CDK1: variants seen among roughly 807,000 people sequenced by gnomAD.
CDK1 encodes cyclin dependent kinase 1.
In CDK1, 5 loss-of-function variants were observed where a neutral mutation model predicts 34.6. That is an observed-to-expected ratio of 0.14 (90% confidence interval 0.08 to 0.30). The LOEUF is 0.30. CDK1 is among the 10% of genes least tolerant of loss of function. The pLI is 1.00. For synonymous variants in CDK1, 108 were observed against 114.7 expected (o/e 0.94, Z 0.37); for missense variants, 157 against 345.7 (o/e 0.45, Z 4.33).
intron 2 of CDK1, among the ~76,000 whole-genome samples, chr10:60,781,228 T>G (rs932476732): frequency 4.6e-5 from 7 of 152,130 alleles, no homozygotes; most frequent in African/African-American, 1.7e-4. Context: ...TCTTAAAGTA[T>G]AAATATATTT....
At chr10:60,784,930 A>T (rs898014774) in intron 3 of CDK1, 69 bp downstream of exon 3, 1 of 1,429,758 alleles carries the variant, frequency 7.0e-7, no homozygotes, top group East Asian at 2.3e-5. Context: ...CAACTTGGAA[A>T]TCTTTACATT....
chr10:60,780,071 G>T, intron 1 of CDK1, 70 bp from the exon 2 acceptor site: 1 of 755,068 alleles, frequency 1.3e-6, no homozygotes, highest in Non-Finnish European at 2.4e-6. Context: ...TTTACATATA[G>T]TGTTTCATTA....
intron 2 of CDK1, 81 bp from the exon 3 acceptor site, chr10:60,784,624 T>G (rs1296657428): frequency 3.3e-6 from 4 of 1,213,760 alleles, no homozygotes; most frequent in Non-Finnish European, 4.7e-6. Flanking sequence ...AACAAGACCC[T>G]GCCATAAGGA....
intron 5 of CDK1, among the ~76,000 whole-genome samples, chr10:60,788,522 CTTTA>C (rs950289068): frequency 6.6e-6 from 1 of 151,974 alleles, no homozygotes; most frequent in African/African-American, 2.4e-5. Flanking sequence ...TTATTTTTTA[CTTTA>C]TTTATTTACA....
rs1192552096 is a variant in CDK1 at position 60,780,164 on chromosome 10, C to A, written c.-2C>A. On this transcript the variant is annotated 5_prime_UTR_variant, in exon 2 of 8. Coordinates refer to ENST00000395284, the MANE Select transcript of CDK1 (RefSeq NM_001786.5). ...AGGATCTACCATACCCATTGACTAA[C>A]TATGGAAGATTATACCAAAATAGAG... 1 of 1,530,374 alleles carries A rather than the reference C, an allele frequency of 6.5e-7. No individual in the cohort carries two copies. Among genetic ancestry groups the A allele is most frequent in the Non-Finnish European group, 9.1e-7 (1 of 1,104,420 alleles). 94.8% of individuals were successfully genotyped at this position (1,530,374 alleles called of 1,614,324 possible).
intron 7 of CDK1, among the ~76,000 whole-genome samples, chr10:60,792,753 C>T (rs891089945): frequency 3.3e-5 from 5 of 152,090 alleles, no homozygotes; most frequent in Non-Finnish European, 7.4e-5. Context: ...TATACATTTT[C>T]TCATTGGTCT....
Position 60,792,179 on chromosome 10 carries a change from C to T in CDK1, c.685C>T (p.Pro229Ser). 1 of 1,610,794 alleles carries T rather than the reference C, an allele frequency of 6.2e-7. No individual in the cohort carries two copies. The highest frequency in any genetic ancestry group is 8.5e-7 in the Non-Finnish European group (1 of 1,178,732). Residue 229 changes from proline (P) to serine (S), a missense_variant, in exon 7 of 8, where the codon CCA (proline) becomes TCA (serine). Around this residue, in one of 3 missense-constraint regions of CDK1, gnomAD observed 102 missense variants for 233.6 expected, o/e 0.44. Coordinates refer to ENST00000395284, the MANE Select transcript of CDK1 (RefSeq NM_001786.5). ...GGGCACTCCCAATAATGAAGTGTGGCCAGAAGTGGAATCTTTACAGGACTA... is the reference window on the plus strand; with the variant it reads ...GGGCACTCCCAATAATGAAGTGTGGTCAGAAGTGGAATCTTTACAGGACTA... ...ALGTPNNEVW[P>S]EVESLQDYKN...
chr10:60,781,837 T>G (rs2080275960), intron 2 of CDK1, among the ~76,000 whole-genome samples: 1 of 152,208 alleles, frequency 6.6e-6, no homozygotes, highest in South Asian at 2.1e-4. Flanking sequence ...GTTTTTGTCT[T>G]GTTCACAACT....
At chr10:60,784,290 C>T (rs2080297046) in intron 2 of CDK1, among the ~76,000 whole-genome samples, 1 of 152,118 alleles carries the variant, frequency 6.6e-6, no homozygotes, top group Non-Finnish European at 1.5e-5. Flanking sequence ...ATGGCCACAC[C>T]AGACATTTCT....
rs111506485 is a variant in CDK1 at position 60,782,070 on chromosome 10, G to C, written c.37+1868G>C. On this transcript the variant is annotated intron_variant, in intron 2 of 7. Coordinates refer to ENST00000395284, the MANE Select transcript of CDK1 (RefSeq NM_001786.5). ...AATGGAGGCCTAAATGATTCACACA[G>C]AATTTTCTTTTGGTTCTGCCAGGTA... 4.3e-3 allele frequency among the ~76,000 whole-genome samples: 656 copies of C among 152,296 alleles called. 3 individuals carry two copies. The highest frequency in any genetic ancestry group is 0.015 in the African/African-American group (632 of 41,568).
At chr10:60,779,586 A>G (rs988416165) in intron 1 of CDK1, among the ~76,000 whole-genome samples, 7 of 152,206 alleles carry the variant, frequency 4.6e-5, no homozygotes, top group African/African-American at 1.2e-4. Context: ...GACCTCAGCA[A>G]GCAGAGGAAA....
At chr10:60,783,428 A>C (rs922214090) in intron 2 of CDK1, 12 of 152,188 alleles carry the variant, frequency 7.9e-5, no homozygotes, top group Non-Finnish European at 1.6e-4. Flanking sequence ...AAACTGCTTA[A>C]TTTTTTAACC....
chr10:60,789,120 G>A (rs1041797535), intron 5 of CDK1, among the ~76,000 whole-genome samples: 9 of 151,832 alleles, frequency 5.9e-5, no homozygotes, highest in Non-Finnish European at 1.0e-4. Context: ...TTTTATCGAC[G>A]CATTATTATA....
At position 60,788,103 on chromosome 10, in the gene CDK1, C is replaced by G. The variant is rs2080331154; in HGVS notation, c.362C>G (p.Ser121Cys). The change falls in exon 5 of 8, where the codon TCT becomes TGT. Residue 121 changes from serine to cysteine, a missense_variant. This residue lies in a region of CDK1 where 102 missense variants were observed against 233.6 expected (regional missense o/e 0.44). Transcript: ENST00000395284. Reference sequence around the variant, plus strand: ...CTACAGGGGATTGTGTTTTGTCACTCTAGAAGAGTTCTTCACAGAGACTTA... The same window carrying G: ...CTACAGGGGATTGTGTTTTGTCACTGTAGAAGAGTTCTTCACAGAGACTTA... Reference protein sequence around the residue: ...QILQGIVFCHSRRVLHRDLKP... With the variant: ...QILQGIVFCHCRRVLHRDLKP... The G allele has an allele frequency of 6.2e-7, 1 of 1,603,624 alleles. No homozygotes were observed. The highest frequency in any genetic ancestry group is 8.5e-7 in the Non-Finnish European group (1 of 1,172,594).
chr10:60,784,669 G>A, intron 2 of CDK1, 36 bp from the exon 3 acceptor site: 2 of 1,528,094 alleles, frequency 1.3e-6, no homozygotes, highest in East Asian at 2.3e-5. Flanking sequence ...TAGTTTGTGG[G>A]GTGTGTCACA....
intron 1 of CDK1, 129 bp from the exon 2 acceptor site, chr10:60,780,012 A>G: frequency 1.6e-6 from 1 of 644,442 alleles, no homozygotes; most frequent in Non-Finnish European, 2.8e-6. Context: ...TTTGAATGTA[A>G]TTAATATTTA....
chr10:60,788,775 A>AC (rs1338218153), intron 5 of CDK1, among the ~76,000 whole-genome samples: 8 of 152,132 alleles, frequency 5.3e-5, no homozygotes, highest in African/African-American at 1.9e-4. Context: ...AGGAAAGGGA[A>AC]CATTGTATAA....
intron 1 of CDK1, among the ~76,000 whole-genome samples, chr10:60,779,927 A>G (rs1263148562): frequency 2.6e-5 from 4 of 152,202 alleles, no homozygotes; most frequent in Non-Finnish European, 5.9e-5. Flanking sequence ...AGTATAGAAT[A>G]TACACGTTTC....
chr10:60,794,062 T>C lies in CDK1; in HGVS notation c.*87T>C, dbSNP rs904938226. 6.0e-6 allele frequency: 4 copies of C among 666,454 alleles called. No homozygotes were observed. In the African/African-American group the frequency reaches 7.7e-5, roughly 13 times the overall value. 41.3% of individuals were successfully genotyped at this position (666,454 alleles called of 1,614,324 possible). Reference sequence around the variant, plus strand: ...CTTGTCTATTTTTGTCTTATATATATTTCTTTGTTATCAAACTTCAGCTGT... The same window carrying C: ...CTTGTCTATTTTTGTCTTATATATACTTCTTTGTTATCAAACTTCAGCTGT... On this transcript the variant is annotated 3_prime_UTR_variant, in exon 8 of 8. Transcript: ENST00000395284.
Sources: allele counts gnomAD v4.1 joint callset (sites outside exome capture counted in the v4.1 genomes callset), GRCh38; gene constraint gnomAD v4.1.1; regional missense constraint gnomAD v4.1.1; transcripts MANE v1.5; gene names NCBI Gene and HGNC (gene_info 2026-07-23, HGNC 2026-07-21).